Variants in FUT9 observed in about 807,000 individuals in gnomAD.
The protein encoded by FUT9 is 4-galactosyl-N-acetylglucosaminide 3-alpha-L-fucosyltransferase 9.
A neutral mutation model predicts 29.7 loss-of-function variants in FUT9; 15 were observed. The observed-to-expected ratio is 0.51, with a 90% confidence interval of 0.34 to 0.78. The LOEUF is 0.78. FUT9 is among the 30% of genes least tolerant of loss of function. The probability of loss-of-function intolerance (pLI) is 0.01; values close to 1 mark genes in which losing one functional copy is unlikely to be tolerated. For synonymous variants in FUT9, 169 were observed against 153.7 expected (o/e 1.10, Z -0.74); for missense variants, 319 against 425.4 (o/e 0.75, Z 2.20).
At chr6:96,127,356 C>A (rs190365894) in intron 2 of FUT9, among the ~76,000 whole-genome samples, 3 of 152,226 alleles carry the variant, frequency 2.0e-5, no homozygotes, top group African/African-American at 7.2e-5. Flanking sequence ...CATGTTGCTG[C>A]GAAGTATGTA....
chr6:96,165,268 C>T (rs1184971627), intron 2 of FUT9, among the ~76,000 whole-genome samples: 1 of 151,858 alleles, frequency 6.6e-6, no homozygotes, highest in East Asian at 2.0e-4. Flanking sequence ...CCCGTCTCTA[C>T]TAAAAATACA....
At chr6:96,193,470 C>T (rs1244485432) in intron 2 of FUT9, among the ~76,000 whole-genome samples, 1 of 147,710 alleles carries the variant, frequency 6.8e-6, no homozygotes, top group East Asian at 2.0e-4. Context: ...CATCACTGGC[C>T]ATCAGAGAAA....
chr6:96,116,952 AAAAG>A (rs1318543367), intron 2 of FUT9, among the ~76,000 whole-genome samples: 1 of 152,210 alleles, frequency 6.6e-6, no homozygotes, highest in Non-Finnish European at 1.5e-5. Flanking sequence ...GCACATTAAA[AAAAG>A]AAAGAAAGAA....
chr6:96,201,934 T>C (rs549087734), intron 2 of FUT9, among the ~76,000 whole-genome samples: 23 of 151,934 alleles, frequency 1.5e-4, no homozygotes, highest in Non-Finnish European at 2.6e-4. Flanking sequence ...AGGTGCTTTT[T>C]TTAATGTTCA....
At chr6:96,141,699 G>T (rs184356829) in intron 2 of FUT9, among the ~76,000 whole-genome samples, 43 of 152,278 alleles carry the variant, frequency 2.8e-4, no homozygotes, top group African/African-American at 9.4e-4. Flanking sequence ...ATTTTAAAGA[G>T]AACTCAAGAA....
intron 1 of FUT9, among the ~76,000 whole-genome samples, chr6:96,096,684 ATG>A (rs1243489757): frequency 2.8e-5 from 4 of 140,764 alleles, no homozygotes; most frequent in South Asian, 2.3e-4. Flanking sequence ...TGTCTAAGGC[ATG>A]TGTGTGTGTG....
chr6:96,111,585 A>AC (rs1771808366), intron 1 of FUT9, among the ~76,000 whole-genome samples: 1 of 134,280 alleles, frequency 7.4e-6, no homozygotes, highest in African/African-American at 2.8e-5. Context: ...ACACACACAC[A>AC]AATCTGAGTT....
chr6:96,114,266 G>T (rs1422720843), intron 2 of FUT9, 139 bp downstream of exon 2: 1 of 152,016 alleles, frequency 6.6e-6, no homozygotes, highest in Non-Finnish European at 1.5e-5. Flanking sequence ...CAGAAGGTTA[G>T]CTTCTATGAG....
At chr6:96,176,410 C>G (rs1364203256) in intron 2 of FUT9, among the ~76,000 whole-genome samples, 1 of 150,958 alleles carries the variant, frequency 6.6e-6, no homozygotes, top group African/African-American at 2.4e-5. Flanking sequence ...TATGGGAAAC[C>G]CTAATATGCA....
intron 2 of FUT9, among the ~76,000 whole-genome samples, chr6:96,170,639 A>C (rs1386389092): frequency 1.3e-5 from 2 of 152,142 alleles, no homozygotes; most frequent in Non-Finnish European, 2.9e-5. Flanking sequence ...TTCTAGGTTG[A>C]AAACAATGGT....
chr6:96,026,948 G>A (rs547292671), intron 1 of FUT9, among the ~76,000 whole-genome samples: 1 of 151,776 alleles, frequency 6.6e-6, no homozygotes, highest in Non-Finnish European at 1.5e-5. Flanking sequence ...AATGCTAGTA[G>A]AGATGAACTG....
At chr6:96,143,551 C>T (rs1772505534) in intron 2 of FUT9, among the ~76,000 whole-genome samples, 1 of 151,858 alleles carries the variant, frequency 6.6e-6, no homozygotes, top group Non-Finnish European at 1.5e-5. Flanking sequence ...TCCTCCCATC[C>T]CCTCCCTTTT....
chr6:96,113,853 CAAA>C (rs11316093), intron 1 of FUT9, among the ~76,000 whole-genome samples, 183 bp from the exon 2 acceptor site: 68 of 124,754 alleles, frequency 5.5e-4, no homozygotes, highest in Admixed American at 7.1e-4. Flanking sequence ...GACTCCATCT[CAAA>C]AAAAAAAAAA....
At chr6:96,152,632 A>G (rs1482416658) in intron 2 of FUT9, among the ~76,000 whole-genome samples, 1 of 152,156 alleles carries the variant, frequency 6.6e-6, no homozygotes, top group Non-Finnish European at 1.5e-5. Flanking sequence ...CTACCATTTA[A>G]GATAAAGGGA....
Position 96,042,609 on chromosome 6 carries a change from G to GT in FUT9, c.-98+26405dup, listed in dbSNP as rs548822398. ...AACTAGAGATCAATATTTTACAGCT[G>GT]TTTTTTTTAGTTATTTAATGTAGAC... is the stretch of plus-strand genomic sequence containing the variant. On this transcript the variant is annotated intron_variant, in intron 1 of 2. Coordinates refer to ENST00000302103, the MANE Select transcript of FUT9 (RefSeq NM_006581.4). Among the ~76,000 whole-genome samples the GT allele has an allele frequency of 3.1e-3, 478 of 151,866 alleles. 3 individuals carry two copies. Among genetic ancestry groups the GT allele is most frequent in the African/African-American group, 0.01 (418 of 41,410 alleles).
Position 96,024,003 on chromosome 6 carries a change from C to T in FUT9, c.-98+7791C>T, listed in dbSNP as rs571152283. On this transcript the variant is annotated intron_variant, in intron 1 of 2. Transcript: ENST00000302103. ...CTTAACTGATGATGAAGTATAAGCACTTAATATATTAATTACTATACAATC... is the reference window on the plus strand; with the variant it reads ...CTTAACTGATGATGAAGTATAAGCATTTAATATATTAATTACTATACAATC... Among the ~76,000 whole-genome samples the T allele has an allele frequency of 8.9e-4, 136 of 151,972 alleles. 1 individual carries two copies. Among genetic ancestry groups the T allele is most frequent in the South Asian group, 2.1e-3 (10 of 4,822 alleles).
intron 1 of FUT9, among the ~76,000 whole-genome samples, chr6:96,109,996 G>A (rs957007315): frequency 6.6e-6 from 1 of 152,014 alleles, no homozygotes; most frequent in East Asian, 1.9e-4. Flanking sequence ...TACTGTCGTG[G>A]GACTTTGCAC....
chr6:96,073,661 C>T (rs1474147209), intron 1 of FUT9, among the ~76,000 whole-genome samples: 1 of 152,092 alleles, frequency 6.6e-6, no homozygotes, highest in East Asian at 1.9e-4. Flanking sequence ...GCATGAGAAG[C>T]AGAGCTAGAA....
intron 1 of FUT9, among the ~76,000 whole-genome samples, chr6:96,081,736 T>G (rs1034783052): frequency 2.0e-5 from 3 of 151,982 alleles, no homozygotes; most frequent in Admixed American, 2.0e-4. Context: ...TCAAATGCAA[T>G]AGATTATGCC....
Sources: gnomAD v4.1 joint callset for allele counts (sites outside exome capture counted in the v4.1 genomes callset) on GRCh38, gnomAD v4.1.1 for gene constraint, MANE v1.5 for transcripts, NCBI Gene and HGNC (gene_info 2026-07-23, HGNC 2026-07-21) for gene names.